Variants in TERF2 observed in about 807,000 individuals in gnomAD.
TERF2 encodes the protein telomeric repeat-binding factor 2.
Under a neutral mutation model 56.1 loss-of-function variants are expected in TERF2, and 16 were observed. The observed-to-expected ratio is 0.29, with a 90% confidence interval of 0.19 to 0.43. The LOEUF (loss-of-function observed/expected upper bound fraction) is 0.43. Ranked by LOEUF, TERF2 falls within the 20% of genes least tolerant of loss-of-function variation. The pLI is 1.00. For synonymous variants in TERF2, 296 were observed against 282.1 expected (o/e 1.05, Z -0.50); for missense variants, 547 against 712.9 (o/e 0.77, Z 2.65).
At chr16:69,373,168 A>G (rs2013640991) in intron 3 of TERF2, among the ~76,000 whole-genome samples, 1 of 152,198 alleles carries the variant, frequency 6.6e-6, no homozygotes, top group African/African-American at 2.4e-5. Context: ...ACAACCCCTT[A>G]CTACCATAAA....
intron 3 of TERF2, among the ~76,000 whole-genome samples, chr16:69,379,503 T>C (rs1597259073): frequency 6.6e-6 from 1 of 152,216 alleles, no homozygotes; most frequent in Non-Finnish European, 1.5e-5. Context: ...CCTTTAGTTA[T>C]GAGGAGAAAA....
intron 8 of TERF2, among the ~76,000 whole-genome samples, chr16:69,358,091 C>A (rs1011819808): frequency 1.3e-5 from 2 of 152,018 alleles, no homozygotes; most frequent in African/African-American, 4.8e-5. Context: ...CGGCTCACTG[C>A]AAGCTCCGCC....
At chr16:69,380,523 T>C (rs1347263868) in intron 3 of TERF2, among the ~76,000 whole-genome samples, 29 of 150,924 alleles carry the variant, frequency 1.9e-4, no homozygotes, top group Admixed American at 1.9e-3. Context: ...CCAGGGGTGG[T>C]GGTGGGCGCC....
chr16:69,385,627 G>GT lies in TERF2; in HGVS notation c.344dup (p.Tyr115Ter). 6.6e-7 allele frequency: 1 copy of GT among 1,520,672 alleles called. No individual in the cohort carries two copies. The highest frequency in any genetic ancestry group is 8.9e-7 in the Non-Finnish European group (1 of 1,128,910). 94.2% of individuals were successfully genotyped at this position (1,520,672 alleles called of 1,614,324 possible). A position where few individuals can be genotyped will look rare whatever the true frequency, so the allele number is the denominator to read the frequency against. The change falls in exon 1 of 10, where the codon TAC (tyrosine) becomes TAAC (stop). Residue 115 changes from tyrosine to a stop codon, truncating the protein, a stop_gained and frameshift_variant. Transcript: ENST00000254942. LOFTEE classifies it high-confidence loss of function. ...TGTCCCGGATCTGTCTGAAGTCCCC[G>GT]TACCGGCTACCCCGAAAGGCCCGCA... is the stretch of plus-strand genomic sequence containing the variant. The part of the protein sequence containing the change: ...EALRAFRGSR[Y>*]GDFRQIRDIM...
Position 69,368,148 on chromosome 16 carries a change from G to C in TERF2, c.947+228C>G, listed in dbSNP as rs756710049. ...GGGGAGGCAAGGAGAGAGAAATGGT[G>C]AAAGAGCCTTTGAGGAATGGCCAGT... is the stretch of plus-strand genomic sequence containing the variant. On this transcript the variant is annotated intron_variant, in intron 6 of 9. Transcript: ENST00000254942. Among the ~76,000 whole-genome samples the C allele has an allele frequency of 3.3e-4, 51 of 152,320 alleles. 1 individual carries two copies. Among genetic ancestry groups the C allele is most frequent in the Non-Finnish European group, 6.5e-4 (44 of 68,026 alleles).
intron 3 of TERF2, among the ~76,000 whole-genome samples, chr16:69,379,828 CTT>C (rs1234882551): frequency 6.6e-6 from 1 of 152,024 alleles, no homozygotes; most frequent in African/African-American, 2.4e-5. Context: ...TTGAAAATCT[CTT>C]TAATATCTGG....
At chr16:69,376,447 TG>T (rs2013782043) in intron 3 of TERF2, among the ~76,000 whole-genome samples, 4 of 152,178 alleles carry the variant, frequency 2.6e-5, no homozygotes, top group Admixed American at 6.5e-5. Context: ...TTCTTAAAAT[TG>T]GGTAGTATGA....
chr16:69,384,937 A>AAATTATT (rs2014134551), intron 2 of TERF2, among the ~76,000 whole-genome samples: 1 of 152,204 alleles, frequency 6.6e-6, no homozygotes, highest in Admixed American at 6.5e-5. Context: ...ACAGGCAAAA[A>AAATTATT]AATTATTTTT....
At chr16:69,384,915 A>C (rs778638693) in intron 2 of TERF2, among the ~76,000 whole-genome samples, 10 of 152,202 alleles carry the variant, frequency 6.6e-5, no homozygotes, top group African/African-American at 1.2e-4. Flanking sequence ...CCATTTTTTA[A>C]CACCTGTCAA....
chr16:69,374,625 T>C (rs111360224), intron 3 of TERF2, among the ~76,000 whole-genome samples: 217 of 58,350 alleles, frequency 3.7e-3, no homozygotes, highest in African/African-American at 0.013. Context: ...CCTCTCTCTC[T>C]TTAAAAAAAA....
chr16:69,365,253 G>C (rs974506758), intron 7 of TERF2: 1 of 152,264 alleles, frequency 6.6e-6, no homozygotes, highest in Non-Finnish European at 1.5e-5. Context: ...AACATGCATG[G>C]AGCTGCATCC....
At chr16:69,364,938 C>A (rs1355481883) in intron 7 of TERF2, 1 of 152,204 alleles carries the variant, frequency 6.6e-6, no homozygotes, top group African/African-American at 2.4e-5. Context: ...GAAAGCAGCC[C>A]TAGATAATAC....
In TERF2 at chr16:69,372,147, G is replaced by A. The variant is rs981306913; in HGVS notation, c.693+122C>T. On this transcript the variant is annotated intron_variant, in intron 4 of 9. Transcript: ENST00000254942. ...GGATATAAAAGATAACTTGCTGCAG[G>A]TGTTACATGTTGAAAGGAGAATATT... is the stretch of plus-strand genomic sequence containing the variant. 131 of 603,742 alleles carry A rather than the reference G, an allele frequency of 2.2e-4. 1 individual carries two copies. The highest frequency in any genetic ancestry group is 7.8e-4 in the South Asian group (33 of 42,564). The allele number at this position is 603,742 out of a possible 1,614,324, so 37.4% of individuals were successfully genotyped here. A position where few individuals can be genotyped will look rare whatever the true frequency, so the allele number is the denominator to read the frequency against.
At chr16:69,385,569 C>A (rs759419260) in intron 1 of TERF2, 24 bp downstream of exon 1, 2 of 1,580,322 alleles carry the variant, frequency 1.3e-6, no homozygotes, top group East Asian at 2.2e-5. Flanking sequence ...CGCTCCAACC[C>A]CCCTCCCCCG....
At chr16:69,359,483 G>A (rs1426738416) in intron 8 of TERF2, among the ~76,000 whole-genome samples, 4 of 148,212 alleles carry the variant, frequency 2.7e-5, no homozygotes, top group South Asian at 2.1e-4. Context: ...AGGCAAGATC[G>A]CGCCACTGCA....
Position 69,367,144 on chromosome 16 carries a change from T to G in TERF2, c.1003A>C (p.Lys335Gln), listed in dbSNP as rs749640085. 4 of 1,614,074 alleles carry G rather than the reference T, an allele frequency of 2.5e-6. No individual in the cohort carries two copies. In the African/African-American group the frequency reaches 5.3e-5, roughly 22 times the overall value. ...GAATCCTGTGCACCAGACAGAGTCTTGAAAGCTGCTTTCAGAGTCATCATT... is the reference window on the plus strand; with the variant it reads ...GAATCCTGTGCACCAGACAGAGTCTGGAAAGCTGCTTTCAGAGTCATCATT... ...IGMMTLKAAF[K>Q]TLSGAQDSEA... The change falls in exon 7 of 10, where the codon AAG becomes CAG. Residue 335 changes from lysine (K) to glutamine (Q), a missense_variant. Transcript: ENST00000254942.
At chr16:69,373,598 AAG>A (rs2142745636) in intron 3 of TERF2, among the ~76,000 whole-genome samples, 1 of 152,292 alleles carries the variant, frequency 6.6e-6, no homozygotes, top group South Asian at 2.1e-4. Flanking sequence ...TTGAGAGGCC[AAG>A]GTGGGAGGAT....
At chr16:69,372,436 C>G (rs2013610756) in intron 3 of TERF2, 81 bp from the exon 4 acceptor site, 1 of 915,852 alleles carries the variant, frequency 1.1e-6, no homozygotes, top group African/African-American at 1.7e-5. Flanking sequence ...ATAACTCTCT[C>G]TCACATCATA....
intron 2 of TERF2, 97 bp downstream of exon 2, chr16:69,385,294 A>T: frequency 9.5e-7 from 1 of 1,048,726 alleles, no homozygotes; most frequent in Non-Finnish European, 1.5e-6. Flanking sequence ...GATGGAAACT[A>T]TCGCACTTTA....
Sources: gnomAD v4.1 joint callset for allele counts (sites outside exome capture counted in the v4.1 genomes callset) on GRCh38, gnomAD v4.1.1 for gene constraint, MANE v1.5 for transcripts, NCBI Gene and HGNC (gene_info 2026-07-23, HGNC 2026-07-21) for gene names.